Variants in LIMCH1 observed in about 807,000 individuals in gnomAD.
LIMCH1 encodes the protein LIM and calponin homology domains-containing protein 1.
A neutral mutation model predicts 176.5 loss-of-function variants in LIMCH1; 113 were observed. That is an observed-to-expected ratio of 0.64 (90% CI 0.55 to 0.75). LIMCH1 has a LOEUF of 0.75. LIMCH1 is among the 30% of genes least tolerant of loss of function. LIMCH1 has a pLI of 0.00. For synonymous variants in LIMCH1, 619 were observed against 645.9 expected, an observed-to-expected ratio of 0.96 and a Z score of 0.63; for missense variants, 1,674 against 1,814.9, an observed-to-expected ratio of 0.92 and a Z score of 1.41.
intron 1 of LIMCH1, among the ~76,000 whole-genome samples, chr4:41,422,110 A>G (rs1259749657): frequency 1.3e-5 from 2 of 152,020 alleles, no homozygotes; most frequent in Non-Finnish European, 2.9e-5. Flanking sequence ...AAATAAACAA[A>G]CAACAGAGAG....
intron 21 of LIMCH1, among the ~76,000 whole-genome samples, chr4:41,670,455 T>C (rs2094974698): frequency 6.6e-6 from 1 of 152,234 alleles, no homozygotes; most frequent in Non-Finnish European, 1.5e-5. Context: ...TTTAACACTA[T>C]CACCATTAAG....
At chr4:41,503,521 G>A (rs1007726881) in intron 2 of LIMCH1, among the ~76,000 whole-genome samples, 20 of 152,202 alleles carry the variant, frequency 1.3e-4, no homozygotes, top group Admixed American at 3.9e-4. Context: ...GAGAAAAGGT[G>A]AGCTTAAGAG....
chr4:41,649,504 A>T (rs1349417835), intron 17 of LIMCH1, among the ~76,000 whole-genome samples: 1 of 152,238 alleles, frequency 6.6e-6, no homozygotes, highest in East Asian at 1.9e-4. Flanking sequence ...ACATTTGATA[A>T]TCCATAAAAT....
chr4:41,648,658 GGTGTGTGTGTGT>G (rs71650941), intron 17 of LIMCH1, among the ~76,000 whole-genome samples: 82 of 135,400 alleles, frequency 6.1e-4, no homozygotes, highest in Non-Finnish European at 9.4e-4. Flanking sequence ...AAGGGGTAGG[GGTGTGTGTGTGT>G]GTGTGTGTGT....
intron 1 of LIMCH1, among the ~76,000 whole-genome samples, chr4:41,366,480 C>T (rs546288431): frequency 6.6e-6 from 1 of 152,220 alleles, no homozygotes; most frequent in South Asian, 2.1e-4. Context: ...TGTGTGTTTA[C>T]ATCTGAGGCA....
At chr4:41,691,521 C>T (rs950141700) in intron 30 of LIMCH1, among the ~76,000 whole-genome samples, 1 of 144,106 alleles carries the variant, frequency 6.9e-6, no homozygotes, top group Non-Finnish European at 1.5e-5. Context: ...CCAAGGTGGG[C>T]AGATAACCTG....
intron 1 of LIMCH1, among the ~76,000 whole-genome samples, chr4:41,400,024 T>C (rs2058247445): frequency 6.7e-6 from 1 of 149,454 alleles, no homozygotes; most frequent in African/African-American, 2.5e-5. Context: ...TTTTTTGGTC[T>C]TTTTTTGAGG....
intron 1 of LIMCH1, among the ~76,000 whole-genome samples, chr4:41,443,150 C>T (rs1369877741): frequency 6.6e-6 from 1 of 151,222 alleles, no homozygotes; most frequent in Non-Finnish European, 1.5e-5. Flanking sequence ...GTCTTATGCT[C>T]CAAGGTAAAG....
At chr4:41,596,519 T>G (rs1430387812) in intron 1 of LIMCH1, among the ~76,000 whole-genome samples, 2 of 152,108 alleles carry the variant, frequency 1.3e-5, no homozygotes, top group Non-Finnish European at 2.9e-5. Context: ...ACAAAATAAG[T>G]GTTTTGGAAA....
At chr4:41,442,282 A>G (rs888291528) in intron 1 of LIMCH1, among the ~76,000 whole-genome samples, 1 of 152,136 alleles carries the variant, frequency 6.6e-6, no homozygotes, top group East Asian at 1.9e-4. Context: ...CCTGGGCAAC[A>G]GAGCCAGACC....
At chr4:41,369,854 G>C (rs576686525) in intron 1 of LIMCH1, among the ~76,000 whole-genome samples, 1 of 151,528 alleles carries the variant, frequency 6.6e-6, no homozygotes, top group East Asian at 1.9e-4. Context: ...CAGTGAGTCT[G>C]TGCCCAGCTA....
At chr4:41,653,992 T>C (rs528739907) in intron 18 of LIMCH1, among the ~76,000 whole-genome samples, 61 of 152,374 alleles carry the variant, frequency 4.0e-4, no homozygotes, top group African/African-American at 1.3e-3. Flanking sequence ...GGGCACGTGT[T>C]AATTGGTAAA....
At chr4:41,661,164 A>G (rs960856037) in intron 18 of LIMCH1, among the ~76,000 whole-genome samples, 1 of 130,698 alleles carries the variant, frequency 7.7e-6, no homozygotes, top group African/African-American at 2.7e-5. Flanking sequence ...TGGTGAAAGA[A>G]AAGAAAATGT....
chr4:41,435,261 A>T (rs1473751496), intron 1 of LIMCH1, among the ~76,000 whole-genome samples: 1 of 152,184 alleles, frequency 6.6e-6, no homozygotes, highest in East Asian at 1.9e-4. Flanking sequence ...CGGAGAGATG[A>T]TGATGGAACC....
intron 1 of LIMCH1, among the ~76,000 whole-genome samples, chr4:41,410,392 A>C (rs185651608): frequency 2.6e-5 from 4 of 151,876 alleles, no homozygotes; most frequent in Admixed American, 2.6e-4. Context: ...TAAGATTTGC[A>C]CTCCTCTCAG....
chr4:41,622,938 A>G (rs1464192165), intron 7 of LIMCH1, among the ~76,000 whole-genome samples: 3 of 152,162 alleles, frequency 2.0e-5, no homozygotes, highest in Non-Finnish European at 4.4e-5. Context: ...GCAACACAAC[A>G]CAGCTGCTCC....
At chr4:41,476,427 A>C (rs753092004) in intron 1 of LIMCH1, among the ~76,000 whole-genome samples, 1 of 152,242 alleles carries the variant, frequency 6.6e-6, no homozygotes, top group African/African-American at 2.4e-5. Context: ...AAGGAGAGCC[A>C]AATACAGAGC....
At position 41,698,090 on chromosome 4, in the gene LIMCH1, T is replaced by C. The variant is rs7674006; in HGVS notation, c.*905T>C. 14,220 of 151,930 alleles carry C rather than the reference T, an allele frequency of 0.094. 833 individuals are homozygous for C. Among genetic ancestry groups the C allele is most frequent in the African/African-American group, 0.17 (6,844 of 41,402 alleles). 9.4% of individuals were successfully genotyped at this position (151,930 alleles called of 1,614,324 possible). A position where few individuals can be genotyped will look rare whatever the true frequency, so the allele number is the denominator to read the frequency against. On this transcript the variant is annotated 3_prime_UTR_variant, in exon 32 of 32. Coordinates refer to ENST00000503057, the MANE Select transcript of LIMCH1 (RefSeq NM_001330672.2). ...CTTCAATAAGAGACTTAACATGAGG[T>C]ATATGGAAGATGAGGCACCGAGATA...
chr4:41,363,130 C>T (rs1432957119), intron 1 of LIMCH1, among the ~76,000 whole-genome samples: 1 of 152,140 alleles, frequency 6.6e-6, no homozygotes, highest in Non-Finnish European at 1.5e-5. Flanking sequence ...CCTTCCTTCC[C>T]AGAGGTTCTT....
Sources: gnomAD v4.1 joint callset for allele counts (sites outside exome capture counted in the v4.1 genomes callset) on GRCh38, gnomAD v4.1.1 for gene constraint, MANE v1.5 for transcripts, NCBI Gene and HGNC (gene_info 2026-07-23, HGNC 2026-07-21) for gene names.